The following GLI2 variants were observed in gnomAD, a reference collection of about 807,000 sequenced individuals.
GLI2 encodes the protein GLI family zinc finger 2, also known as transcription activator GLI2.
A neutral mutation model predicts 78.9 loss-of-function variants in GLI2; 22 were observed. The observed-to-expected ratio is 0.28, with a 90% CI of 0.20 to 0.40. GLI2 has a LOEUF of 0.40. Ranked by LOEUF, GLI2 falls within the 10% of genes least tolerant of loss-of-function variation. The probability of loss-of-function intolerance (pLI) is 1.00; values close to 1 mark genes in which losing one functional copy is unlikely to be tolerated. For synonymous variants in GLI2, 974 were observed against 963.7 expected, an observed-to-expected ratio of 1.01 and a Z score of -0.20; for missense variants, 2,097 against 2,213.2, an observed-to-expected ratio of 0.95 and a Z score of 1.05.
chr2:120,974,748 G>C (rs1682363194), intron 8 of GLI2, among the ~76,000 whole-genome samples: 1 of 152,174 alleles, frequency 6.6e-6, no homozygotes, highest in South Asian at 2.1e-4. Flanking sequence ...GGGCGGGGCT[G>C]AGTTGAGGAA....
chr2:120,836,194 C>T (rs991957536), intron 2 of GLI2, among the ~76,000 whole-genome samples: 1 of 152,164 alleles, frequency 6.6e-6, no homozygotes, highest in Non-Finnish European at 1.5e-5. Context: ...CTATCTCCTG[C>T]CCCCCAGGAG....
At position 120,984,656 on chromosome 2, in the gene GLI2, C is replaced by T. The variant is rs61732850; in HGVS notation, c.1818C>T (p.Gly606=). 2.9e-5 allele frequency: 46 copies of T among 1,613,816 alleles called. No individual in the cohort carries two copies. The highest frequency in any genetic ancestry group is 8.3e-5 in the Admixed American group (5 of 60,004). Residue 606 remains glycine, a synonymous_variant, in exon 12 of 14, where the codon GGC becomes GGT. Coordinates refer to ENST00000361492, the MANE Select transcript of GLI2 (RefSeq NM_001374353.1). The part of the protein sequence containing the change: ...NGDSEAGTEP[G]GPESTEASST... ...ACAGTGAGGCCGGCACGGAGCCTGGCGGCCCAGAGAGCACCGAGGCCAGCA... is the reference window on the plus strand; with the variant it reads ...ACAGTGAGGCCGGCACGGAGCCTGGTGGCCCAGAGAGCACCGAGGCCAGCA...
intron 2 of GLI2, among the ~76,000 whole-genome samples, chr2:120,815,910 A>T (rs1685473271): frequency 6.6e-6 from 1 of 152,168 alleles, no homozygotes; most frequent in Non-Finnish European, 1.5e-5. Flanking sequence ...GCTGGAACCC[A>T]CCAGGATGGT....
chr2:120,914,334 C>G (rs543536250), intron 2 of GLI2, among the ~76,000 whole-genome samples: 1 of 152,222 alleles, frequency 6.6e-6, no homozygotes, highest in Non-Finnish European at 1.5e-5. Flanking sequence ...GCCTGGGCAC[C>G]GTCTCCTCCA....
intron 3 of GLI2, among the ~76,000 whole-genome samples, chr2:120,939,182 T>C (rs1680336079): frequency 6.6e-6 from 1 of 151,890 alleles, no homozygotes; most frequent in Non-Finnish European, 1.5e-5. Flanking sequence ...CTGGGGAGGC[T>C]GAGGCAGAAG....
intron 2 of GLI2, among the ~76,000 whole-genome samples, chr2:120,843,981 G>C (rs1687000132): frequency 6.6e-6 from 1 of 152,072 alleles, no homozygotes; most frequent in South Asian, 2.1e-4. Context: ...GTGTGGTTTT[G>C]CTGGAGCCTG....
At chr2:120,832,905 C>G (rs1349320579) in intron 2 of GLI2, among the ~76,000 whole-genome samples, 1 of 152,072 alleles carries the variant, frequency 6.6e-6, no homozygotes, top group Non-Finnish European at 1.5e-5. Context: ...CTCTGAGACC[C>G]TTCCTCAGCC....
intron 2 of GLI2, among the ~76,000 whole-genome samples, chr2:120,817,327 C>T (rs927527701): frequency 1.3e-5 from 2 of 152,312 alleles, no homozygotes; most frequent in African/African-American, 2.4e-5. Context: ...CTCCCAGCCC[C>T]GCAGTCTGGC....
chr2:120,990,992 C>A lies in GLI2; in HGVS notation c.*317C>A. ...CGGCTTCTTCACGGCTGACATTCGG[C>A]TAACGAGGGATTACTTTGGCCAAAA... On this transcript the variant is annotated 3_prime_UTR_variant, in exon 14 of 14. Coordinates refer to ENST00000361492, the MANE Select transcript of GLI2 (RefSeq NM_001374353.1). 1 of 328,838 alleles carries A rather than the reference C, an allele frequency of 3.0e-6. No homozygotes were observed. Among genetic ancestry groups the A allele is most frequent in the Non-Finnish European group, 5.6e-6 (1 of 179,592 alleles). The allele number at this position is 328,838 out of a possible 1,614,324, so 20.4% of individuals were successfully genotyped here.
At chr2:120,930,206 A>T (rs749402931) in intron 3 of GLI2, among the ~76,000 whole-genome samples, 6 of 152,212 alleles carry the variant, frequency 3.9e-5, no homozygotes, top group Non-Finnish European at 7.4e-5. Context: ...AGGCACCACC[A>T]GAAGTGTAGG....
intron 1 of GLI2, among the ~76,000 whole-genome samples, chr2:120,740,191 G>C (rs1426715581): frequency 6.6e-6 from 1 of 152,120 alleles, no homozygotes; most frequent in African/African-American, 2.4e-5. Flanking sequence ...TTAAAACCTG[G>C]GAAAATGCAC....
At chr2:120,772,628 G>T (rs116627775) in intron 1 of GLI2, among the ~76,000 whole-genome samples, 27 of 152,376 alleles carry the variant, frequency 1.8e-4, no homozygotes, top group Non-Finnish European at 2.6e-4. Flanking sequence ...CTGACCCTTG[G>T]CCCTTGTTGG....
intron 1 of GLI2, among the ~76,000 whole-genome samples, chr2:120,795,971 G>A (rs1035591534): frequency 6.6e-5 from 10 of 152,194 alleles, no homozygotes; most frequent in Non-Finnish European, 1.2e-4. Flanking sequence ...TTGAACCTGG[G>A]AGGCAGAGGT....
At chr2:120,909,209 G>A (rs187770632) in intron 2 of GLI2, among the ~76,000 whole-genome samples, 1 of 152,204 alleles carries the variant, frequency 6.6e-6, no homozygotes, top group East Asian at 1.9e-4. Flanking sequence ...GCTCTTCCTG[G>A]TTGGGTCCCA....
Position 120,763,473 on chromosome 2 carries a change from G to T in GLI2, c.-31+27188G>T, listed in dbSNP as rs191280032. On this transcript the variant is annotated intron_variant, in intron 1 of 13. Transcript: ENST00000361492. ...GGGAACTGTCTCTTGGCAAGAATCTGATCCATCACTGTGGATGGGCTTGTC... is the reference window on the plus strand; with the variant it reads ...GGGAACTGTCTCTTGGCAAGAATCTTATCCATCACTGTGGATGGGCTTGTC... Among the ~76,000 whole-genome samples the T allele has an allele frequency of 7.0e-4, 106 of 152,386 alleles. 1 individual carries two copies. In the East Asian group the frequency reaches 0.012, roughly 17 times the overall value.
chr2:120,853,486 G>A (rs1458236850), intron 2 of GLI2, among the ~76,000 whole-genome samples: 1 of 152,112 alleles, frequency 6.6e-6, no homozygotes, highest in Non-Finnish European at 1.5e-5. Context: ...CTGTCTAGCA[G>A]GAGCAGCAGG....
At position 120,865,902 on chromosome 2, in the gene GLI2, CT is replaced by C. The variant is rs372340681; in HGVS notation, c.149-61458del. On this transcript the variant is annotated intron_variant, in intron 2 of 13. Transcript: ENST00000361492. ...TCTCTCTCTGGACCTGGCACCCCCC[CT>C]GTTCAAGAGAGGGAAGAGCAGGCCA... Among the ~76,000 whole-genome samples the C allele has an allele frequency of 2.0e-4, 30 of 152,366 alleles. No homozygotes were observed. The South Asian group carries it at 2.7e-3, about 14-fold the overall frequency.
At chr2:120,936,035 C>T (rs1286271556) in intron 3 of GLI2, among the ~76,000 whole-genome samples, 4 of 152,090 alleles carry the variant, frequency 2.6e-5, no homozygotes, top group African/African-American at 7.2e-5. Flanking sequence ...GCGGCAGGAT[C>T]GGGATGAACT....
At chr2:120,876,564 C>A (rs2104695197) in intron 2 of GLI2, among the ~76,000 whole-genome samples, 1 of 152,100 alleles carries the variant, frequency 6.6e-6, no homozygotes, top group South Asian at 2.1e-4. Flanking sequence ...AAAATACTCA[C>A]CGGAGAAATC....
Sources: allele counts gnomAD v4.1 joint callset (sites outside exome capture counted in the v4.1 genomes callset), GRCh38; gene constraint gnomAD v4.1.1; transcripts MANE v1.5; gene names NCBI Gene and HGNC (gene_info 2026-07-23, HGNC 2026-07-21).